Variants in RAF1 observed in about 807,000 individuals in gnomAD.
The protein encoded by RAF1 is RAF proto-oncogene serine/threonine-protein kinase.
A neutral mutation model predicts 81.1 loss-of-function variants in RAF1; 27 were observed. The ratio of observed to expected loss-of-function variants is 0.33; its 90% CI spans 0.25 to 0.46. RAF1 has a LOEUF of 0.46. Ranked by LOEUF, RAF1 falls within the 20% of genes least tolerant of loss-of-function variation. The pLI, the probability that RAF1 is intolerant of heterozygous loss-of-function variation, is 1.00. For missense variants in RAF1, 598 were observed against 826.0 expected, an observed-to-expected ratio of 0.72 and a Z score of 3.38; for synonymous variants, 298 against 294.0, an observed-to-expected ratio of 1.01 and a Z score of -0.14.
In RAF1 at chr3:12,585,733, C is replaced by T. The variant is rs546131178; in HGVS notation, c.1544G>A (p.Arg515His). The stretch of plus-strand genomic sequence containing the variant: ...TTCAACCTGCTGAGAACCACTCCAG[C>T]GTGACTTTACTGTTGCCAAACCAAA... Residue 515 changes from arginine (R) to histidine (H), a missense_variant, in exon 15 of 18, where the codon CGC (arginine) becomes CAC (histidine). This residue lies in a region of RAF1 where 147 missense variants were observed against 196.1 expected (regional missense o/e 0.75). Coordinates refer to ENST00000442415, the MANE Select transcript of RAF1 (RefSeq NM_001354689.3). The T allele has an allele frequency of 1.9e-6, 3 of 1,614,202 alleles. No homozygotes were observed. The highest frequency in any genetic ancestry group is 2.5e-6 in the Non-Finnish European group (3 of 1,180,024).
rs757290878 is a variant in RAF1 at position 12,584,609 on chromosome 3, G to A, written c.1912C>T (p.Arg638Trp). 4 of 1,613,924 alleles carry A rather than the reference G, an allele frequency of 2.5e-6. No homozygotes were observed. The highest frequency in any genetic ancestry group is 1.7e-5 in the Admixed American group (1 of 59,998). Residue 638 changes from arginine (R) to tryptophan (W), a missense_variant, in exon 18 of 18, where the codon CGG becomes TGG. Arg to Trp is a moderately radical substitution (Grantham distance 101). This residue lies in a region of RAF1 where 147 missense variants were observed against 196.1 expected (regional missense o/e 0.75). Transcript: ENST00000442415. The stretch of plus-strand genomic sequence containing the variant: ...TGCAAGGATGGCTCGGAAGCGCTCC[G>A]GTTGATCTTCGGTAGAGAGTGTTGG...
chr3:12,595,341 G>A (rs1030152791), intron 11 of RAF1, among the ~76,000 whole-genome samples: 2 of 152,132 alleles, frequency 1.3e-5, no homozygotes, highest in African/African-American at 4.8e-5. Context: ...TAAAGTGTTG[G>A]GGTTATAGAT....
At chr3:12,618,382 T>A in intron 2 of RAF1, 133 bp downstream of exon 2, 1 of 912,562 alleles carries the variant, frequency 1.1e-6, no homozygotes, top group Admixed American at 2.4e-5. Flanking sequence ...AAAATAAATC[T>A]GCAGTTAGAA....
At chr3:12,590,533 A>C (rs1286933195) in intron 13 of RAF1, 9 of 476,790 alleles carry the variant, frequency 1.9e-5, no homozygotes, top group Admixed American at 9.9e-5. Flanking sequence ...CCATATTGGC[A>C]AGGCTGGTCT....
Position 12,663,825 on chromosome 3 carries a change from G to C in RAF1, c.-39C>G. On this transcript the variant is annotated 5_prime_UTR_variant, in exon 1 of 18. Transcript: ENST00000442415. Reference sequence around the variant, plus strand: ...TCCTGCCACCTACCTGAGGGAGCCAGGCCGCCCCAACGTCCTGTCGTTCGG... The same window carrying C: ...TCCTGCCACCTACCTGAGGGAGCCACGCCGCCCCAACGTCCTGTCGTTCGG... 1 of 397,652 alleles carries C rather than the reference G, an allele frequency of 2.5e-6. No homozygotes were observed. Among genetic ancestry groups the C allele is most frequent in the East Asian group, 3.6e-5 (1 of 28,024 alleles). The allele number at this position is 397,652 out of a possible 1,614,324, so 24.6% of individuals were successfully genotyped here.
intron 1 of RAF1, among the ~76,000 whole-genome samples, chr3:12,651,617 G>C (rs891143610): frequency 6.6e-6 from 1 of 150,754 alleles, no homozygotes; most frequent in Admixed American, 6.6e-5. Flanking sequence ...TCGCACCACT[G>C]CACCCTAGCC....
At chr3:12,624,254 T>C (rs765599036) in intron 1 of RAF1, among the ~76,000 whole-genome samples, 1 of 152,096 alleles carries the variant, frequency 6.6e-6, no homozygotes, top group Non-Finnish European at 1.5e-5. Context: ...GCCCTACAAG[T>C]TGTCTCAGGG....
chr3:12,588,536 G>A (rs1362373053), intron 13 of RAF1: 2 of 152,176 alleles, frequency 1.3e-5, no homozygotes, highest in Non-Finnish European at 2.9e-5. Context: ...GTAACATGGT[G>A]AGTATTTGTG....
chr3:12,642,671 TACACACACACAC>T (rs71063856), intron 1 of RAF1, among the ~76,000 whole-genome samples: 1,799 of 117,046 alleles, frequency 0.015, 45 homozygotes, highest in African/African-American at 0.052. Flanking sequence ...ACACCATCTC[TACACACACACAC>T]ACACACACAC....
intron 1 of RAF1, among the ~76,000 whole-genome samples, chr3:12,655,678 T>A (rs909504459): frequency 2.0e-5 from 3 of 152,134 alleles, no homozygotes; most frequent in African/African-American, 7.2e-5. Flanking sequence ...AATCCAAGTG[T>A]CCATCACTGA....
In RAF1 at chr3:12,584,519, A is replaced by C. The variant is rs752860196; in HGVS notation, c.2002T>G (p.Phe668Val). 1 of 1,614,062 alleles carries C rather than the reference A, an allele frequency of 6.2e-7. No homozygotes were observed. The highest frequency in any genetic ancestry group is 1.3e-5 in the African/African-American group (1 of 74,898). ...GAAGACAGGTGCAAAGTCAACTAGA[A>C]GACAGGCAGCCTCGGGGACGTGGTC... The change falls in exon 18 of 18, where the codon TTC becomes GTC. Residue 668 changes from phenylalanine to valine, a missense_variant. Physicochemically the swap from Phe to Val is conservative, Grantham distance 50. Around this residue, in one of 5 missense-constraint regions of RAF1, gnomAD observed 147 missense variants for 196.1 expected, o/e 0.75. Coordinates refer to ENST00000442415, the MANE Select transcript of RAF1 (RefSeq NM_001354689.3).
At chr3:12,653,086 ACCCT>A (rs2060585128) in intron 1 of RAF1, among the ~76,000 whole-genome samples, 2 of 152,098 alleles carry the variant, frequency 1.3e-5, no homozygotes, top group Non-Finnish European at 2.9e-5. Context: ...GTTTGAGACC[ACCCT>A]GGGCAACAGG....
chr3:12,620,117 T>C (rs143842575), intron 1 of RAF1, among the ~76,000 whole-genome samples: 4 of 152,244 alleles, frequency 2.6e-5, no homozygotes, highest in East Asian at 3.9e-4. Flanking sequence ...CTCATTTAAT[T>C]TGTGTAAGAA....
At chr3:12,619,242 C>T (rs2059474729) in intron 1 of RAF1, among the ~76,000 whole-genome samples, 1 of 147,310 alleles carries the variant, frequency 6.8e-6, no homozygotes, top group Non-Finnish European at 1.5e-5. Flanking sequence ...AAGACTCCAC[C>T]TCAAAAACAA....
chr3:12,639,132 C>T (rs928810408), intron 1 of RAF1, among the ~76,000 whole-genome samples: 6 of 152,120 alleles, frequency 3.9e-5, no homozygotes, highest in African/African-American at 1.2e-4. Flanking sequence ...ACGTGATTAT[C>T]TCAATAGATG....
chr3:12,618,402 T>C (rs1458497918), intron 2 of RAF1, 113 bp downstream of exon 2: 1 of 1,108,104 alleles, frequency 9.0e-7, no homozygotes, highest in Non-Finnish European at 1.3e-6. Flanking sequence ...AAAAAAAAAA[T>C]AAAGACCCTA....
chr3:12,602,533 T>C (rs987332341), intron 8 of RAF1, among the ~76,000 whole-genome samples: 4 of 152,106 alleles, frequency 2.6e-5, no homozygotes, highest in African/African-American at 9.7e-5. Context: ...TACATTTTTT[T>C]TTGTAGAGGT....
At chr3:12,607,878 G>C (rs1380633992) in intron 5 of RAF1, among the ~76,000 whole-genome samples, 1 of 147,610 alleles carries the variant, frequency 6.8e-6, no homozygotes, top group Non-Finnish European at 1.5e-5. Context: ...TTGAACCTGG[G>C]AGGCAGAGGT....
intron 1 of RAF1, among the ~76,000 whole-genome samples, chr3:12,632,531 T>C (rs1258173398): frequency 6.6e-6 from 1 of 152,166 alleles, no homozygotes; most frequent in Non-Finnish European, 1.5e-5. Context: ...TACAGATTGA[T>C]AAAGGCAACC....
Sources: gnomAD v4.1 joint callset for allele counts (sites outside exome capture counted in the v4.1 genomes callset) on GRCh38, gnomAD v4.1.1 for gene constraint, gnomAD v4.1.1 regional missense constraint, MANE v1.5 for transcripts, NCBI Gene and HGNC (gene_info 2026-07-23, HGNC 2026-07-21) for gene names.